Variants in CDH12 observed in about 807,000 individuals in gnomAD.
CDH12 encodes the protein cadherin 12.
A neutral mutation model predicts 74.1 loss-of-function variants in CDH12; 41 were observed. The observed-to-expected ratio is 0.55, with a 90% confidence interval of 0.43 to 0.72. The LOEUF (loss-of-function observed/expected upper bound fraction) is 0.72. Ranked by LOEUF, CDH12 falls within the 30% of genes least tolerant of loss-of-function variation. The pLI, the probability that CDH12 is intolerant of heterozygous loss-of-function variation, is 0.00. For missense variants in CDH12, 945 were observed against 977.2 expected (o/e 0.97, Z 0.44); for synonymous variants, 399 against 355.0 (o/e 1.12, Z -1.39).
At position 21,751,783 on chromosome 5, in the gene CDH12, T is replaced by C. The variant is rs1224640174; in HGVS notation, c.2339A>G (p.Asp780Gly). 2.5e-6 allele frequency: 4 copies of C among 1,613,978 alleles called. No homozygotes were observed. The highest frequency in any genetic ancestry group is 3.4e-6 in the Non-Finnish European group (4 of 1,180,002). ...ATAACTCTCTTCTTCGCCAAACATG[T>C]CTGCCAAGACTTTAAAGCGGGGTCC... The part of the protein sequence containing the change: ...DWGPRFKVLA[D>G]MFGEEESYNP... Residue 780 changes from aspartate (D) to glycine (G), a missense_variant, in exon 15 of 15, where the codon GAC becomes GGC. By Grantham distance (94) the Asp-to-Gly change is moderately conservative. Around this residue, in one of 3 missense-constraint regions of CDH12, gnomAD observed 791 missense variants for 792.8 expected, o/e 1.00. Transcript: ENST00000382254.
At position 22,497,122 on chromosome 5, in the gene CDH12, A is replaced by G. The variant is rs191021755; in HGVS notation, c.-428+8148T>C. 2.0e-5 allele frequency among the ~76,000 whole-genome samples: 3 copies of G among 152,296 alleles called. No homozygotes were observed. In the East Asian group the frequency reaches 5.8e-4, roughly 29 times the overall value. ...AATTAAACAACATAACACATACTAAAATCATAGAATAACGCCTGACATAGA... is the reference window on the plus strand; with the variant it reads ...AATTAAACAACATAACACATACTAAGATCATAGAATAACGCCTGACATAGA... On this transcript the variant is annotated intron_variant, in intron 2 of 14. Coordinates refer to ENST00000382254, the MANE Select transcript of CDH12 (RefSeq NM_004061.5).
At chr5:22,633,374 T>C (rs1452033812) in intron 1 of CDH12, among the ~76,000 whole-genome samples, 1 of 152,190 alleles carries the variant, frequency 6.6e-6, no homozygotes, top group Non-Finnish European at 1.5e-5. Flanking sequence ...TCTCATATTA[T>C]TTTAAAATAT....
chr5:22,727,772 A>G (rs1179034689), intron 1 of CDH12, among the ~76,000 whole-genome samples: 1 of 151,500 alleles, frequency 6.6e-6, no homozygotes. Context: ...AAGATGTTCC[A>G]TAGTCTCTGG....
chr5:22,042,089 G>T (rs1284397991), intron 5 of CDH12, among the ~76,000 whole-genome samples: 1 of 151,654 alleles, frequency 6.6e-6, no homozygotes, highest in Admixed American at 6.6e-5. Flanking sequence ...AGTGAAATCA[G>T]AATATTTCAA....
At chr5:22,014,549 G>A (rs981743334) in intron 5 of CDH12, among the ~76,000 whole-genome samples, 8 of 152,118 alleles carry the variant, frequency 5.3e-5, no homozygotes, top group African/African-American at 1.7e-4. Flanking sequence ...TCTTGATGGT[G>A]TAGGTTAGGA....
At chr5:22,690,684 C>G (rs973592751) in intron 1 of CDH12, among the ~76,000 whole-genome samples, 1 of 152,112 alleles carries the variant, frequency 6.6e-6, no homozygotes, top group Admixed American at 6.6e-5. Context: ...AATCCCTTAA[C>G]TTTTCTTTTG....
intron 3 of CDH12, among the ~76,000 whole-genome samples, chr5:22,331,801 T>A (rs1321121181): frequency 6.6e-6 from 1 of 152,178 alleles, no homozygotes; most frequent in African/African-American, 2.4e-5. Context: ...TAGATACATT[T>A]AACAAACATG....
Position 22,466,776 on chromosome 5 carries a change from C to CTTTTTT in CDH12, c.-428+38488_-428+38493dup, listed in dbSNP as rs70959733. Among the ~76,000 whole-genome samples the CTTTTTT allele has an allele frequency of 2.2e-3, 112 of 51,002 alleles. 8 individuals are homozygous for CTTTTTT. Among genetic ancestry groups the CTTTTTT allele is most frequent in the East Asian group, 4.1e-3 (6 of 1,462 alleles). The allele number at this position is 51,002 out of a possible 152,430, so 33.5% of individuals were successfully genotyped here. A position where few individuals can be genotyped will look rare whatever the true frequency, so the allele number is the denominator to read the frequency against. On this transcript the variant is annotated intron_variant, in intron 2 of 14. Transcript: ENST00000382254. ...AAATGAGGCATGGCTCCTCAGGAAT[C>CTTTTTT]TTTTTTTTTTTTTTTTTTTTTTTTT...
At chr5:22,554,869 G>T (rs1007538698) in intron 1 of CDH12, among the ~76,000 whole-genome samples, 5 of 152,058 alleles carry the variant, frequency 3.3e-5, no homozygotes, top group African/African-American at 1.2e-4. Context: ...TATTTAAGTA[G>T]AGCTAATTAT....
At chr5:22,791,220 T>C (rs1375550931) in intron 1 of CDH12, among the ~76,000 whole-genome samples, 1 of 152,214 alleles carries the variant, frequency 6.6e-6, no homozygotes, top group Non-Finnish European at 1.5e-5. Flanking sequence ...TTGAATCTTC[T>C]TGCCCACTAG....
chr5:22,194,128 T>C (rs1430896868), intron 4 of CDH12, among the ~76,000 whole-genome samples: 1 of 152,186 alleles, frequency 6.6e-6, no homozygotes, highest in Non-Finnish European at 1.5e-5. Flanking sequence ...GAAGATCTAT[T>C]TCAGTGCAGT....
intron 1 of CDH12, among the ~76,000 whole-genome samples, chr5:22,824,511 T>C (rs1051400441): frequency 6.6e-6 from 1 of 152,044 alleles, no homozygotes; most frequent in Non-Finnish European, 1.5e-5. Context: ...AGTAGTGAGG[T>C]TGTCTAAAAA....
intron 1 of CDH12, among the ~76,000 whole-genome samples, chr5:22,704,512 C>G (rs1742880884): frequency 6.6e-6 from 1 of 151,942 alleles, no homozygotes; most frequent in East Asian, 1.9e-4. Context: ...AAAGTATTCA[C>G]AAGCAAGAAA....
chr5:21,975,025 A>C, intron 6 of CDH12, 66 bp downstream of exon 6: 4 of 934,314 alleles, frequency 4.3e-6, no homozygotes, highest in Non-Finnish European at 6.5e-6. Context: ...GTTTACATCA[A>C]CCTGCAAAAA....
Position 22,234,292 on chromosome 5 carries a change from A to G in CDH12, c.-332-21649T>C, listed in dbSNP as rs1186813560. 5.1e-4 allele frequency among the ~76,000 whole-genome samples: 77 copies of G among 152,280 alleles called. 2 individuals carry two copies. Among genetic ancestry groups the G allele is most frequent in the Non-Finnish European group, 1.8e-4 (12 of 68,012 alleles). Reference sequence around the variant, plus strand: ...AAATCTCAACCTGAATTGAGCTCCCAGAATTCCCACGTGTTGTGGGAAGGA... The same window carrying G: ...AAATCTCAACCTGAATTGAGCTCCCGGAATTCCCACGTGTTGTGGGAAGGA... On this transcript the variant is annotated intron_variant, in intron 3 of 14. Coordinates refer to ENST00000382254, the MANE Select transcript of CDH12 (RefSeq NM_004061.5).
intron 1 of CDH12, among the ~76,000 whole-genome samples, chr5:22,554,445 A>G (rs746356504): frequency 6.6e-6 from 1 of 152,064 alleles, no homozygotes; most frequent in Non-Finnish European, 1.5e-5. Context: ...CTTCTGCTCA[A>G]TTTTGCATGA....
At chr5:21,833,513 C>CATATATT (rs1749344865) in intron 8 of CDH12, among the ~76,000 whole-genome samples, 3 of 48,530 alleles carry the variant, frequency 6.2e-5, no homozygotes, top group African/African-American at 6.0e-4. Context: ...TAATATATGG[C>CATATATT]ATATGTGATA....
At chr5:22,569,070 T>C (rs1306459033) in intron 1 of CDH12, among the ~76,000 whole-genome samples, 1 of 152,212 alleles carries the variant, frequency 6.6e-6, no homozygotes, top group African/African-American at 2.4e-5. Flanking sequence ...TAAAAATTTC[T>C]CTGTAGCATA....
intron 4 of CDH12, among the ~76,000 whole-genome samples, chr5:22,179,349 T>C (rs1749513894): frequency 6.6e-6 from 1 of 152,164 alleles, no homozygotes; most frequent in East Asian, 1.9e-4. Context: ...GGCAGGTTAA[T>C]TGCTTTCATC....
Sources: gnomAD v4.1 joint callset for allele counts (sites outside exome capture counted in the v4.1 genomes callset) on GRCh38, gnomAD v4.1.1 for gene constraint, gnomAD v4.1.1 regional missense constraint, MANE v1.5 for transcripts, NCBI Gene and HGNC (gene_info 2026-07-23, HGNC 2026-07-21) for gene names.